Variants in CSMD1 observed in about 807,000 individuals in gnomAD.
CSMD1 encodes the protein CUB and Sushi multiple domains 1.
CSMD1 carries 213 observed loss-of-function variants against 417.5 expected under a neutral mutation model. The observed-to-expected ratio is 0.51, with a 90% CI of 0.46 to 0.57. The LOEUF is 0.57. Among genes scored for constraint, CSMD1 ranks in the 20% least tolerant of loss-of-function variants. The pLI is 0.00. For missense variants in CSMD1, 6,923 were observed against 4,529.7 expected, an observed-to-expected ratio of 1.53 and a Z score of -15.17; for synonymous variants, 2,862 against 1,736.8, an observed-to-expected ratio of 1.65 and a Z score of -16.11.
chr8:4,658,862 T>G (rs556299911), intron 1 of CSMD1, among the ~76,000 whole-genome samples: 2 of 152,276 alleles, frequency 1.3e-5, no homozygotes, highest in South Asian at 4.1e-4. Context: ...GGTCTGGGGT[T>G]GGGAGTCTAG....
chr8:4,724,271 T>C (rs17071131), intron 1 of CSMD1, among the ~76,000 whole-genome samples: 6,969 of 152,150 alleles, frequency 0.046, 153 homozygotes, highest in East Asian at 0.072. Context: ...TGAATACTGA[T>C]ATATAAGCTA....
chr8:4,328,289 T>C (rs1438866944), intron 3 of CSMD1, among the ~76,000 whole-genome samples: 1 of 150,244 alleles, frequency 6.7e-6, no homozygotes. Context: ...TTCTTAACTG[T>C]GAATTACCAC....
chr8:3,699,950 ATATCCCATAACTACATCCCTGGG>A (rs1563286247), intron 7 of CSMD1, among the ~76,000 whole-genome samples: 4 of 151,458 alleles, frequency 2.6e-5, no homozygotes, highest in Non-Finnish European at 5.9e-5. Flanking sequence ...TCCCTGGGTT[ATATCCCATAACTACATCCCTGGG>A]TTATTCAATT....
intron 12 of CSMD1, among the ~76,000 whole-genome samples, chr8:3,433,997 G>A (rs1814392204): frequency 6.6e-6 from 1 of 152,328 alleles, no homozygotes; most frequent in East Asian, 1.9e-4. Flanking sequence ...AGGTGGCAAA[G>A]CACTGAGTGA....
intron 1 of CSMD1, among the ~76,000 whole-genome samples, chr8:4,811,107 T>C (rs1585138247): frequency 6.6e-6 from 1 of 152,296 alleles, no homozygotes; most frequent in East Asian, 1.9e-4. Flanking sequence ...GTGGAAAGCA[T>C]TTTTATGGCA....
intron 1 of CSMD1, among the ~76,000 whole-genome samples, chr8:4,716,636 C>G (rs1158676809): frequency 6.6e-6 from 1 of 152,116 alleles, no homozygotes; most frequent in Non-Finnish European, 1.5e-5. Flanking sequence ...CTCCCGAATT[C>G]CTGGCCTATT....
intron 50 of CSMD1, among the ~76,000 whole-genome samples, chr8:3,042,046 A>T (rs1344389666): frequency 6.6e-6 from 1 of 152,130 alleles, no homozygotes; most frequent in Non-Finnish European, 1.5e-5. Flanking sequence ...GCCACTGGGA[A>T]CCCAAGCCTC....
chr8:3,852,262 C>T (rs1283365628), intron 5 of CSMD1, among the ~76,000 whole-genome samples: 1 of 152,058 alleles, frequency 6.6e-6, no homozygotes, highest in African/African-American at 2.4e-5. Context: ...GGTAACCATC[C>T]TGTAGGCAGT....
chr8:3,639,113 T>C (rs1235701993), intron 7 of CSMD1, among the ~76,000 whole-genome samples: 1 of 152,228 alleles, frequency 6.6e-6, no homozygotes, highest in East Asian at 1.9e-4. Flanking sequence ...AAGGACTTCA[T>C]TCTAGCAAAA....
Position 3,215,125 on chromosome 8 carries a change from C to T in CSMD1, c.4673-434G>A, listed in dbSNP as rs184051100. ...ATCATTCCACACCTTTCAGAAAAGA[C>T]TGGAGAATTTGGCTTCTCAAAATGA... On this transcript the variant is annotated intron_variant, in intron 29 of 69. Transcript: ENST00000635120. Among the ~76,000 whole-genome samples, 8 of 152,268 alleles carry T rather than the reference C, an allele frequency of 5.3e-5. No individual in the cohort carries two copies. The East Asian group carries it at 1.4e-3, about 26-fold the overall frequency.
At chr8:3,235,585 T>C (rs1799101523) in intron 26 of CSMD1, among the ~76,000 whole-genome samples, 1 of 152,180 alleles carries the variant, frequency 6.6e-6, no homozygotes. Flanking sequence ...TAAAAATCAT[T>C]GTTTAATCCA....
chr8:3,286,512 C>T (rs982671711), intron 25 of CSMD1, among the ~76,000 whole-genome samples: 19 of 151,874 alleles, frequency 1.3e-4, no homozygotes, highest in Admixed American at 3.9e-4. Context: ...TGTTAATGAT[C>T]GCCATTCTAA....
At chr8:3,776,402 G>A (rs998067078) in intron 5 of CSMD1, among the ~76,000 whole-genome samples, 1 of 152,192 alleles carries the variant, frequency 6.6e-6, no homozygotes, top group East Asian at 1.9e-4. Context: ...GGCGCTGCAA[G>A]GGCTGACACC....
chr8:4,838,139 G>T (rs1304857750), intron 1 of CSMD1, among the ~76,000 whole-genome samples: 1 of 152,068 alleles, frequency 6.6e-6, no homozygotes, highest in Non-Finnish European at 1.5e-5. Context: ...TTAAAGCAAG[G>T]GGGAAATATA....
At chr8:3,984,771 GT>G (rs1585080328) in intron 5 of CSMD1, among the ~76,000 whole-genome samples, 2 of 139,218 alleles carry the variant, frequency 1.4e-5, no homozygotes, top group African/African-American at 2.8e-5. Context: ...ATTTGTGCGT[GT>G]GTGTGTGTGT....
At chr8:4,652,809 G>A (rs1025453462) in intron 1 of CSMD1, among the ~76,000 whole-genome samples, 9 of 152,060 alleles carry the variant, frequency 5.9e-5, no homozygotes, top group African/African-American at 1.7e-4. Context: ...TGGTTTTGGG[G>A]CATTAGATTC....
At chr8:4,728,325 T>G (rs1047161982) in intron 1 of CSMD1, among the ~76,000 whole-genome samples, 2 of 151,738 alleles carry the variant, frequency 1.3e-5, no homozygotes, top group South Asian at 4.1e-4. Context: ...GTGGTTCTCT[T>G]TTTAAAAATG....
intron 5 of CSMD1, among the ~76,000 whole-genome samples, chr8:3,877,709 T>G (rs979255074): frequency 2.0e-5 from 3 of 152,208 alleles, no homozygotes; most frequent in Non-Finnish European, 4.4e-5. Context: ...TATTTTCATA[T>G]GCAGTCACAA....
At chr8:3,438,981 A>G (rs574354616) in intron 12 of CSMD1, among the ~76,000 whole-genome samples, 1 of 150,998 alleles carries the variant, frequency 6.6e-6, no homozygotes, top group Admixed American at 6.6e-5. Context: ...CGGGCATGGT[A>G]GTGGGCACCT....
Sources: gnomAD v4.1 joint callset for allele counts (sites outside exome capture counted in the v4.1 genomes callset) on GRCh38, gnomAD v4.1.1 for gene constraint, MANE v1.5 for transcripts, NCBI Gene and HGNC (gene_info 2026-07-23, HGNC 2026-07-21) for gene names.